Variants in COL21A1 observed in about 807,000 individuals in gnomAD.
COL21A1 encodes the protein collagen alpha-1(XXI) chain.
A neutral mutation model predicts 137.9 loss-of-function variants in COL21A1; 149 were observed. The ratio of observed to expected loss-of-function variants is 1.08; its 90% CI spans 0.95 to 1.24. COL21A1 has a LOEUF of 1.24. Ranked by LOEUF, COL21A1 falls within the 50% of genes most tolerant of loss-of-function variation. COL21A1 has a pLI of 0.00. For missense variants in COL21A1, 1,167 were observed against 1,158.4 expected (o/e 1.01, Z -0.11); for synonymous variants, 456 against 391.5 (o/e 1.16, Z -1.95).
chr6:56,113,595 C>T (rs1771638911), intron 16 of COL21A1, among the ~76,000 whole-genome samples: 1 of 152,136 alleles, frequency 6.6e-6, no homozygotes, highest in African/African-American at 2.4e-5. Flanking sequence ...CCTTGGTGAA[C>T]CTCTGAGACT....
intron 1 of COL21A1, among the ~76,000 whole-genome samples, chr6:56,360,960 T>A (rs1323788672): frequency 6.6e-6 from 1 of 151,980 alleles, no homozygotes; most frequent in Non-Finnish European, 1.5e-5. Flanking sequence ...ATAAGCCAGG[T>A]TGTGGTGACG....
chr6:56,092,203 T>G (rs867309226), intron 17 of COL21A1, among the ~76,000 whole-genome samples: 1 of 152,092 alleles, frequency 6.6e-6, no homozygotes, highest in Admixed American at 6.6e-5. Flanking sequence ...GGAGAACATA[T>G]GTTTATGTTT....
At chr6:56,123,440 A>T (rs907241751) in intron 16 of COL21A1, among the ~76,000 whole-genome samples, 3 of 152,214 alleles carry the variant, frequency 2.0e-5, no homozygotes, top group African/African-American at 7.2e-5. Context: ...TTTCTGAGCA[A>T]CTTTGGGATT....
At chr6:56,096,999 A>G (rs1016613864) in intron 17 of COL21A1, among the ~76,000 whole-genome samples, 3 of 151,792 alleles carry the variant, frequency 2.0e-5, no homozygotes, top group African/African-American at 7.3e-5. Flanking sequence ...ATAAAAACCA[A>G]GTTTTCATTA....
At chr6:56,265,971 A>G (rs1377837900) in intron 1 of COL21A1, among the ~76,000 whole-genome samples, 3 of 152,242 alleles carry the variant, frequency 2.0e-5, no homozygotes, top group Non-Finnish European at 4.4e-5. Flanking sequence ...TATTAAGTTT[A>G]ACTTAAAAAG....
chr6:56,072,598 C>A (rs974242545), intron 20 of COL21A1, among the ~76,000 whole-genome samples: 3 of 151,302 alleles, frequency 2.0e-5, no homozygotes, highest in Non-Finnish European at 4.4e-5. Flanking sequence ...GGGTTAAATC[C>A]AGCCCAATGC....
At chr6:56,097,938 AAT>A (rs1483965413) in intron 17 of COL21A1, among the ~76,000 whole-genome samples, 10 of 85,700 alleles carry the variant, frequency 1.2e-4, no homozygotes, top group East Asian at 5.8e-4. Context: ...AATATATAAA[AAT>A]ATATATAAAT....
At chr6:56,100,802 T>C (rs1375293188) in intron 17 of COL21A1, among the ~76,000 whole-genome samples, 1 of 152,188 alleles carries the variant, frequency 6.6e-6, no homozygotes. Flanking sequence ...ATGTACAATA[T>C]TTAAATTCTG....
intron 14 of COL21A1, among the ~76,000 whole-genome samples, chr6:56,124,519 A>G (rs1772842496): frequency 6.6e-6 from 1 of 152,252 alleles, no homozygotes; most frequent in African/African-American, 2.4e-5. Context: ...AAGCATCTAA[A>G]CATAGAAATA....
At chr6:56,245,248 T>G (rs540999904) in intron 1 of COL21A1, among the ~76,000 whole-genome samples, 3 of 152,292 alleles carry the variant, frequency 2.0e-5, no homozygotes, top group East Asian at 3.9e-4. Context: ...GAACCAGATT[T>G]TACGGCTATT....
At chr6:56,245,247 T>A (rs963552550) in intron 1 of COL21A1, among the ~76,000 whole-genome samples, 1 of 152,160 alleles carries the variant, frequency 6.6e-6, no homozygotes. Context: ...AGAACCAGAT[T>A]TTACGGCTAT....
At chr6:56,327,701 A>G (rs1765128464) in intron 1 of COL21A1, among the ~76,000 whole-genome samples, 1 of 152,134 alleles carries the variant, frequency 6.6e-6, no homozygotes, top group Non-Finnish European at 1.5e-5. Flanking sequence ...AACTCAACAA[A>G]TCAAGTAGGC....
At chr6:56,309,921 T>G in intron 1 of COL21A1, among the ~76,000 whole-genome samples, 1 of 152,204 alleles carries the variant, frequency 6.6e-6, no homozygotes, top group East Asian at 1.9e-4. Flanking sequence ...CACTGATTAA[T>G]TATAACAATA....
At chr6:56,121,868 T>C (rs999246185) in intron 16 of COL21A1, among the ~76,000 whole-genome samples, 4 of 151,690 alleles carry the variant, frequency 2.6e-5, no homozygotes, top group Non-Finnish European at 5.9e-5. Flanking sequence ...TTCATGAATG[T>C]TTCCATTAAA....
In COL21A1 at chr6:56,150,556, ACACACACAC is replaced by A. The variant is rs1561920269; in HGVS notation, c.1434+6322_1434+6330del. On this transcript the variant is annotated intron_variant, in intron 10 of 29. Transcript: ENST00000244728. Reference sequence around the variant, plus strand: ...CACACACACACACACACACACACACACACACACACAAGAGTGGGGGGAACTGAATCACGA... The same window carrying A: ...CACACACACACACACACACACACACAAAGAGTGGGGGGAACTGAATCACGA... Among the ~76,000 whole-genome samples the A allele has an allele frequency of 8.9e-3, 1,341 of 150,638 alleles. 46 individuals are homozygous for A. Among genetic ancestry groups the A allele is most frequent in the African/African-American group, 0.031 (1,281 of 40,878 alleles).
chr6:56,064,726 C>T (rs543319105), intron 23 of COL21A1, 104 bp from the exon 24 acceptor site: 1 of 611,214 alleles, frequency 1.6e-6, no homozygotes, highest in East Asian at 3.2e-5. Flanking sequence ...AGAAACGTAA[C>T]AAAAGCAGCG....
chr6:56,237,032 C>T (rs1781948908), intron 1 of COL21A1, among the ~76,000 whole-genome samples: 1 of 152,014 alleles, frequency 6.6e-6, no homozygotes, highest in Non-Finnish European at 1.5e-5. Context: ...ATTCTTACAG[C>T]TTTTGATGAG....
At chr6:56,258,149 CTT>C (rs1261581863) in intron 1 of COL21A1, among the ~76,000 whole-genome samples, 1 of 152,068 alleles carries the variant, frequency 6.6e-6, no homozygotes, top group Admixed American at 6.5e-5. Flanking sequence ...TACTCAGAAA[CTT>C]TGGAGTTTCT....
At chr6:56,177,256 T>C (rs1777558282) in intron 3 of COL21A1, among the ~76,000 whole-genome samples, 1 of 152,112 alleles carries the variant, frequency 6.6e-6, no homozygotes, top group Non-Finnish European at 1.5e-5. Context: ...GAATAAACTG[T>C]GGTAAATATT....
Sources: allele counts gnomAD v4.1 joint callset (sites outside exome capture counted in the v4.1 genomes callset), GRCh38; gene constraint gnomAD v4.1.1; transcripts MANE v1.5; gene names NCBI Gene and HGNC (gene_info 2026-07-23, HGNC 2026-07-21).